Variants in CYTH3 observed in about 807,000 individuals in gnomAD.
CYTH3 encodes cytohesin 3.
CYTH3 carries 23 observed loss-of-function variants against 55.1 expected under a neutral mutation model. The observed-to-expected ratio is 0.42, with a 90% CI of 0.30 to 0.59. The LOEUF (loss-of-function observed/expected upper bound fraction) is 0.59, where lower values mean the gene tolerates loss of function less well. CYTH3 is among the 20% of genes least tolerant of loss of function. CYTH3 has a pLI of 0.20. For missense variants in CYTH3, 413 were observed against 524.8 expected (o/e 0.79, Z 2.08); for synonymous variants, 249 against 194.9 (o/e 1.28, Z -2.31).
intron 4 of CYTH3, among the ~76,000 whole-genome samples, chr7:6,180,663 C>T (rs1783483007): frequency 6.6e-6 from 1 of 152,210 alleles, no homozygotes; most frequent in Non-Finnish European, 1.5e-5. Context: ...CCCTAGAATA[C>T]TAATACACTA....
In CYTH3 at chr7:6,177,871, T is replaced by C. The variant is rs886793147; in HGVS notation, c.320A>G (p.Lys107Arg). 1 of 1,614,194 alleles carries C rather than the reference T, an allele frequency of 6.2e-7. No homozygotes were observed. The highest frequency in any genetic ancestry group is 1.3e-5 in the African/African-American group (1 of 75,064). ...GACGGTCTTATTTAGGCCTTCTCCT[T>C]TATAAAGGAACTGGGCGACGTCTTC... ...SPEDVAQFLY[K>R]GEGLNKTVIG... The change falls in exon 5 of 13, where the codon AAA becomes AGA. Residue 107 changes from lysine (K) to arginine (R), a missense_variant. Lys to Arg is a conservative substitution (Grantham distance 26). Coordinates refer to ENST00000350796, the MANE Select transcript of CYTH3 (RefSeq NM_004227.4).
In CYTH3 at chr7:6,215,362, G is replaced by A. The variant is rs376233020; in HGVS notation, c.35-24831C>T. ...TCCCAGAACTTTGGGATGCCGAGGC[G>A]GGCGGATCACGAGGTCAGGAGATCA... is the stretch of plus-strand genomic sequence containing the variant. On this transcript the variant is annotated intron_variant, in intron 1 of 12. Coordinates refer to ENST00000350796, the MANE Select transcript of CYTH3 (RefSeq NM_004227.4). Among the ~76,000 whole-genome samples the A allele has an allele frequency of 4.5e-3, 682 of 152,204 alleles. 10 individuals are homozygous for A. Among genetic ancestry groups the A allele is most frequent in the East Asian group, 0.023 (118 of 5,172 alleles).
intron 1 of CYTH3, among the ~76,000 whole-genome samples, chr7:6,222,347 T>G (rs1784571106): frequency 6.6e-6 from 1 of 152,198 alleles, no homozygotes; most frequent in South Asian, 2.1e-4. Flanking sequence ...GTGCCTCGTG[T>G]TCCCCCCCAT....
At chr7:6,213,185 T>C (rs527310621) in intron 1 of CYTH3, among the ~76,000 whole-genome samples, 1 of 152,350 alleles carries the variant, frequency 6.6e-6, no homozygotes, top group South Asian at 2.1e-4. Context: ...CTCAGAGATA[T>C]CTGCTGAATT....
At chr7:6,175,068 T>C (rs2128539122) in intron 5 of CYTH3, among the ~76,000 whole-genome samples, 1 of 152,348 alleles carries the variant, frequency 6.6e-6, no homozygotes, top group South Asian at 2.1e-4. Context: ...GTCCTTATAA[T>C]CTGCTAAGGA....
chr7:6,222,459 T>G (rs1784573880), intron 1 of CYTH3, among the ~76,000 whole-genome samples: 1 of 152,160 alleles, frequency 6.6e-6, no homozygotes, highest in Admixed American at 6.5e-5. Context: ...TGCTGAGTCT[T>G]AAAACTGAAT....
chr7:6,170,448 T>C lies in CYTH3; in HGVS notation c.823+87A>G, dbSNP rs1783144361. 1.6e-6 allele frequency: 2 copies of C among 1,243,638 alleles called. No individual in the cohort carries two copies. Among genetic ancestry groups the C allele is most frequent in the Admixed American group, 2.3e-5 (1 of 43,538 alleles). The allele number at this position is 1,243,638 out of a possible 1,614,324, so 77.0% of individuals were successfully genotyped here. ...ACGTCTCTGCCTGCGGTGGGGGGCA[T>C]TCCTACGATGAGCCTGGGAGGAACC... On this transcript the variant is annotated intron_variant, in intron 9 of 12. Transcript: ENST00000350796. The surrounding 1 kb of genome is among the most constrained non-coding windows in gnomAD (Gnocchi z 7.8).
rs997369911 is a variant in CYTH3, at chr7:6,167,465, G to A, written c.824-1655C>T. Among the ~76,000 whole-genome samples the A allele has an allele frequency of 6.4e-4, 97 of 152,218 alleles. No homozygotes were observed. Among genetic ancestry groups the A allele is most frequent in the Admixed American group, 5.6e-3 (85 of 15,284 alleles). ...CCTGACATCCGTCACTGTCACGGTCGCCTCTGCTTCCCTCCAGAGACTCCA... is the reference window on the plus strand; with the variant it reads ...CCTGACATCCGTCACTGTCACGGTCACCTCTGCTTCCCTCCAGAGACTCCA... On this transcript the variant is annotated intron_variant, in intron 9 of 12. Coordinates refer to ENST00000350796, the MANE Select transcript of CYTH3 (RefSeq NM_004227.4). This position sits in a 1 kb window ranked among gnomAD's most constrained non-coding sequence, Gnocchi z 5.5.
rs530453007 is a variant in CYTH3 at position 6,164,702 on chromosome 7, C to T, written c.*242G>A. The T allele has an allele frequency of 3.9e-5, 22 of 568,940 alleles. No homozygotes were observed. Among genetic ancestry groups the T allele is most frequent in the Non-Finnish European group, 5.3e-5 (17 of 320,516 alleles). 35.2% of individuals were successfully genotyped at this position (568,940 alleles called of 1,614,324 possible). ...TGACCCCAGCCACGGCAGGAGGCCTCGAGGATCAGTCTGGGCCACGGTACG... is the reference window on the plus strand; with the variant it reads ...TGACCCCAGCCACGGCAGGAGGCCTTGAGGATCAGTCTGGGCCACGGTACG... On this transcript the variant is annotated 3_prime_UTR_variant, in exon 13 of 13. Coordinates refer to ENST00000350796, the MANE Select transcript of CYTH3 (RefSeq NM_004227.4).
intron 1 of CYTH3, among the ~76,000 whole-genome samples, chr7:6,197,782 TA>T (rs1244880038): frequency 1.3e-5 from 2 of 151,800 alleles, no homozygotes; most frequent in African/African-American, 2.4e-5. Flanking sequence ...TTTTTCATGT[TA>T]AAAAAAAATT....
chr7:6,235,087 C>T (rs530344777), intron 1 of CYTH3, among the ~76,000 whole-genome samples: 3 of 152,150 alleles, frequency 2.0e-5, no homozygotes, highest in African/African-American at 7.2e-5. Flanking sequence ...CTTTGCCATG[C>T]GCATGTATAT....
intron 1 of CYTH3, among the ~76,000 whole-genome samples, chr7:6,230,124 GACT>G (rs1195080071): frequency 2.0e-5 from 3 of 152,120 alleles, no homozygotes; most frequent in African/African-American, 7.2e-5. Context: ...GACAGAGTGA[GACT>G]ACATGTCAAA....
intron 4 of CYTH3, among the ~76,000 whole-genome samples, chr7:6,185,697 C>A (rs1235996840): frequency 1.5e-5 from 2 of 132,866 alleles, no homozygotes; most frequent in African/African-American, 3.7e-5. Flanking sequence ...TAGACTCTGT[C>A]TCAAAAAAAA....
intron 4 of CYTH3, among the ~76,000 whole-genome samples, chr7:6,179,949 G>A (rs1378756120): frequency 7.0e-6 from 1 of 143,834 alleles, no homozygotes; most frequent in Non-Finnish European, 1.5e-5. Context: ...ACACACAGTA[G>A]CAATGCAGGT....
At chr7:6,258,312 CAAAA>C (rs1203222006) in intron 1 of CYTH3, among the ~76,000 whole-genome samples, 1 of 123,064 alleles carries the variant, frequency 8.1e-6, no homozygotes, top group African/African-American at 3.3e-5. Context: ...GACACAGTCT[CAAAA>C]AAAAAAAAGA....
At chr7:6,209,530 T>G (rs995901128) in intron 1 of CYTH3, among the ~76,000 whole-genome samples, 5 of 152,292 alleles carry the variant, frequency 3.3e-5, no homozygotes, top group African/African-American at 1.2e-4. Context: ...TAAAAACCAT[T>G]TGAGGACACT....
chr7:6,187,803 G>C (rs1476568412), intron 2 of CYTH3, 82 bp from the exon 3 acceptor site: 2 of 1,150,184 alleles, frequency 1.7e-6, no homozygotes, highest in Non-Finnish European at 2.6e-6. Context: ...GTTCTCTTGT[G>C]ACAAGCTTCC....
At chr7:6,179,675 A>C (rs577829619) in intron 4 of CYTH3, among the ~76,000 whole-genome samples, 239 of 55,352 alleles carry the variant, frequency 4.3e-3, no homozygotes, top group Middle Eastern at 0.011. Context: ...CCACACACAC[A>C]CCACACACAC....
chr7:6,198,138 T>C (rs1425539222), intron 1 of CYTH3, among the ~76,000 whole-genome samples: 2 of 150,270 alleles, frequency 1.3e-5, no homozygotes, highest in African/African-American at 4.9e-5. Flanking sequence ...AGGTATTAAG[T>C]GGCTAGTAAC....
Sources: allele counts gnomAD v4.1 joint callset (sites outside exome capture counted in the v4.1 genomes callset), GRCh38; gene constraint gnomAD v4.1.1; non-coding constraint Gnocchi (gnomAD v3.1); transcripts MANE v1.5; gene names NCBI Gene and HGNC (gene_info 2026-07-23, HGNC 2026-07-21).